Variants in PCDHA4 observed in about 807,000 individuals in gnomAD.
PCDHA4 encodes the protein protocadherin alpha 4, also known as protocadherin alpha-4.
Under a neutral mutation model 61.4 loss-of-function variants are expected in PCDHA4, and 49 were observed. That is an observed-to-expected ratio of 0.80 (90% CI 0.63 to 1.01). PCDHA4 has a LOEUF of 1.01. Ranked by LOEUF, PCDHA4 falls within the 50% of genes least tolerant of loss-of-function variation. The pLI is 0.00. For missense variants in PCDHA4, 1,254 were observed against 1,235.8 expected, an observed-to-expected ratio of 1.01 and a Z score of -0.22; for synonymous variants, 590 against 550.3, an observed-to-expected ratio of 1.07 and a Z score of -1.01.
At chr5:140,845,700 G>T (rs994276971) in intron 1 of PCDHA4, among the ~76,000 whole-genome samples, 1 of 149,282 alleles carries the variant, frequency 6.7e-6, no homozygotes, top group African/African-American at 2.5e-5. Context: ...CAGTTCCTTG[G>T]CATTATATGT....
At chr5:140,890,363 C>T (rs1217094920) in intron 1 of PCDHA4, among the ~76,000 whole-genome samples, 1 of 152,036 alleles carries the variant, frequency 6.6e-6, no homozygotes, top group African/African-American at 2.4e-5. Flanking sequence ...CAATGGATAA[C>T]CTGAACAAGT....
chr5:140,976,927 G>A (rs1322531610), intron 1 of PCDHA4, among the ~76,000 whole-genome samples: 2 of 152,184 alleles, frequency 1.3e-5, no homozygotes, highest in Admixed American at 1.3e-4. Context: ...CTAGTACTGT[G>A]TAGCTACTTA....
intron 1 of PCDHA4, chr5:140,870,420 G>T (rs371557347): frequency 1.4e-5 from 23 of 1,614,116 alleles, no homozygotes; most frequent in Non-Finnish European, 1.9e-5. Flanking sequence ...CCACGGCCAG[G>T]GTATCCGTGG....
chr5:141,003,104 C>G (rs1447493860), intron 3 of PCDHA4, among the ~76,000 whole-genome samples: 1 of 152,236 alleles, frequency 6.6e-6, no homozygotes, highest in East Asian at 1.9e-4. Context: ...ATTTGCTTCA[C>G]AATCTTCTGG....
intron 1 of PCDHA4, chr5:140,829,962 T>A (rs2150178663): frequency 1.2e-6 from 2 of 1,613,904 alleles, no homozygotes. Context: ...CCGTTTCGCG[T>A]GGGGCTGTAC....
At position 140,927,327 on chromosome 5, in the gene PCDHA4, C is replaced by T. The variant is rs781793681; in HGVS notation, c.2386-51622C>T. On this transcript the variant is annotated intron_variant, in intron 1 of 3. Coordinates refer to ENST00000530339, the MANE Select transcript of PCDHA4 (RefSeq NM_018907.4). ...TGACGCCCGGAGCCCGCTTTACTCT[C>T]CCGAATGCCCAAGATGACGACGAGG... 8.5e-5 allele frequency: 137 copies of T among 1,614,206 alleles called. No individual in the cohort carries two copies. In the Middle Eastern group the frequency reaches 3.6e-3, roughly 43 times the overall value.
Position 140,883,794 on chromosome 5 carries a change from C to T in PCDHA4, c.2385+74222C>T, listed in dbSNP as rs781822448. On this transcript the variant is annotated intron_variant, in intron 1 of 3. Coordinates refer to ENST00000530339, the MANE Select transcript of PCDHA4 (RefSeq NM_018907.4). ...GAGCGTGCGCTGTCGAGCTACGTGT[C>T]GGTGCACGCGGAGAGCGGCAAGGTG... 8 of 1,612,476 alleles carry T rather than the reference C, an allele frequency of 5.0e-6. No individual in the cohort carries two copies. The East Asian group carries it at 1.6e-4, about 31-fold the overall frequency.
chr5:140,815,441 A>G (rs2126664246), intron 1 of PCDHA4: 2 of 152,274 alleles, frequency 1.3e-5, no homozygotes, highest in East Asian at 3.9e-4. Flanking sequence ...CATCTTTACT[A>G]CAATCACAAA....
At chr5:140,990,445 A>C (rs1212288513) in intron 3 of PCDHA4, among the ~76,000 whole-genome samples, 2 of 152,140 alleles carry the variant, frequency 1.3e-5, no homozygotes, top group Non-Finnish European at 2.9e-5. Context: ...TTGTGTCCAG[A>C]GCTGTTGCTG....
At chr5:140,982,679 C>A in intron 3 of PCDHA4, 116 bp downstream of exon 3, 2 of 1,436,546 alleles carry the variant, frequency 1.4e-6, no homozygotes, top group Non-Finnish European at 9.2e-7. Flanking sequence ...TTGTTATTCC[C>A]TTTTTTCCAT....
At chr5:140,887,253 C>T (rs1045921651) in intron 1 of PCDHA4, among the ~76,000 whole-genome samples, 3 of 151,962 alleles carry the variant, frequency 2.0e-5, no homozygotes, top group Admixed American at 6.6e-5. Flanking sequence ...CCCGCCACCA[C>T]GCCCTGCTAA....
chr5:140,842,750 G>A, intron 1 of PCDHA4: 1 of 1,595,036 alleles, frequency 6.3e-7, no homozygotes, highest in Non-Finnish European at 8.6e-7. Context: ...CATCTTCACG[G>A]TGTCTGCGCG....
chr5:140,891,931 G>A (rs2063313924), intron 1 of PCDHA4, among the ~76,000 whole-genome samples: 1 of 152,168 alleles, frequency 6.6e-6, no homozygotes, highest in Non-Finnish European at 1.5e-5. Flanking sequence ...CTTGATCTTG[G>A]ACTTCCCCTA....
intron 1 of PCDHA4, among the ~76,000 whole-genome samples, chr5:140,837,367 G>T (rs1006213707): frequency 1.1e-4 from 16 of 151,860 alleles, no homozygotes; most frequent in Non-Finnish European, 4.4e-5. Context: ...CAGTTTAATA[G>T]TATTTTTTAT....
chr5:140,883,451 T>A (rs2153394032), intron 1 of PCDHA4: 1 of 1,614,144 alleles, frequency 6.2e-7, no homozygotes, highest in Non-Finnish European at 8.5e-7. Context: ...GCATGTCCCC[T>A]TCAAGCTGGT....
Position 140,956,868 on chromosome 5 carries a change from G to A in PCDHA4, c.2386-22081G>A, listed in dbSNP as rs1161897507. Among the ~76,000 whole-genome samples, 4 of 152,082 alleles carry A rather than the reference G, an allele frequency of 2.6e-5. No individual in the cohort carries two copies. In the South Asian group the frequency reaches 8.3e-4, roughly 32 times the overall value. On this transcript the variant is annotated intron_variant, in intron 1 of 3. Transcript: ENST00000530339. ...GGGTTAAATGGTTGAATGAATGTGT[G>A]AAAAGTTAGATATCAATGAATGAAT...
chr5:140,850,756 G>A (rs2150497273), intron 1 of PCDHA4: 1 of 1,598,098 alleles, frequency 6.3e-7, no homozygotes, highest in Non-Finnish European at 8.6e-7. Context: ...TCGCAGCAGA[G>A]GAGGCAGAGG....
intron 1 of PCDHA4, chr5:140,824,084 C>A: frequency 2.5e-6 from 4 of 1,614,192 alleles, no homozygotes; most frequent in Non-Finnish European, 8.5e-7. Flanking sequence ...GACCTCATGG[C>A]CTTCAGTCCA....
intron 1 of PCDHA4, among the ~76,000 whole-genome samples, chr5:140,923,894 G>A (rs2081566819): frequency 6.6e-6 from 1 of 152,186 alleles, no homozygotes; most frequent in African/African-American, 2.4e-5. Flanking sequence ...AAGAGGAGGA[G>A]TTTCTGTGAA....
Sources: gnomAD v4.1 joint callset for allele counts (sites outside exome capture counted in the v4.1 genomes callset) on GRCh38, gnomAD v4.1.1 for gene constraint, MANE v1.5 for transcripts, NCBI Gene and HGNC (gene_info 2026-07-23, HGNC 2026-07-21) for gene names.